Variants in CAMKMT observed in about 807,000 individuals in gnomAD.
CAMKMT encodes the protein calmodulin-lysine N-methyltransferase.
CAMKMT carries 53 observed loss-of-function variants against 48.0 expected under a neutral mutation model. That is an observed-to-expected ratio of 1.10 (90% CI 0.89 to 1.39). CAMKMT has a LOEUF of 1.39. Ranked by LOEUF, CAMKMT falls within the 40% of genes most tolerant of loss-of-function variation. The probability of loss-of-function intolerance (pLI) is 0.00; values close to 1 mark genes in which losing one functional copy is unlikely to be tolerated. For missense variants in CAMKMT, 428 were observed against 402.7 expected (o/e 1.06, Z -0.54); for synonymous variants, 165 against 152.3 (o/e 1.08, Z -0.61).
chr2:44,673,524 G>GGAAGGAGGGAAGGAAGGAAGGAA (rs1558786891), intron 3 of CAMKMT, among the ~76,000 whole-genome samples: 1 of 58,284 alleles, frequency 1.7e-5, no homozygotes, highest in African/African-American at 6.5e-5. Context: ...GAAGGAAGGA[G>GGAAGGAGGGAAGGAAGGAAGGAA]GGAAGGAAGA....
chr2:44,617,975 T>C lies in CAMKMT; in HGVS notation c.377-86308T>C, dbSNP rs1671982708. ...CAAATATAGCAGAAGCATACAACTA[T>C]CAAACTTTATTCAGACATCAAGAAA... On this transcript the variant is annotated intron_variant, in intron 3 of 10. Transcript: ENST00000378494. Among the ~76,000 whole-genome samples, 2 of 152,212 alleles carry C rather than the reference T, an allele frequency of 1.3e-5. 1 individual carries two copies. Among genetic ancestry groups the C allele is most frequent in the Admixed American group, 1.3e-4 (2 of 15,286 alleles).
At chr2:44,705,110 A>G (rs766986140) in intron 4 of CAMKMT, among the ~76,000 whole-genome samples, 10 of 152,190 alleles carry the variant, frequency 6.6e-5, no homozygotes, top group Non-Finnish European at 1.2e-4. Context: ...TTTTAACCGT[A>G]TGTACTTACA....
rs1218817837 is a variant in CAMKMT at position 44,589,883 on chromosome 2, T to TA, written c.377-114388dup. Reference sequence around the variant, plus strand: ...GCGAGAAACACCCAAGAATGATCAATAAAAAAAAAAAAGAAAAAAAAAAAA... The same window carrying TA: ...GCGAGAAACACCCAAGAATGATCAATAAAAAAAAAAAAAGAAAAAAAAAAAA... On this transcript the variant is annotated intron_variant, in intron 3 of 10. Coordinates refer to ENST00000378494, the MANE Select transcript of CAMKMT (RefSeq NM_024766.5). 1.9e-3 allele frequency among the ~76,000 whole-genome samples: 43 copies of TA among 23,234 alleles called. 4 individuals carry two copies. The highest frequency in any genetic ancestry group is 3.1e-3 in the Non-Finnish European group (35 of 11,304). 15.2% of individuals were successfully genotyped at this position (23,234 alleles called of 152,430 possible).
intron 3 of CAMKMT, among the ~76,000 whole-genome samples, chr2:44,395,872 T>G (rs1394100352): frequency 2.0e-5 from 3 of 152,172 alleles, no homozygotes; most frequent in African/African-American, 7.2e-5. Context: ...TATTTTGTTA[T>G]GTGAAAACAA....
In CAMKMT at chr2:44,633,573, A is replaced by G. The variant is rs577492704; in HGVS notation, c.377-70710A>G. Among the ~76,000 whole-genome samples the G allele has an allele frequency of 4.6e-5, 7 of 152,136 alleles. No homozygotes were observed. In the East Asian group the frequency reaches 1.4e-3, roughly 29 times the overall value. ...ATCCGACAAAATTTTAATTTCAGGT[A>G]TTATATATTTTTTACTCTAAGAGTT... On this transcript the variant is annotated intron_variant, in intron 3 of 10. Transcript: ENST00000378494.
At chr2:44,535,488 A>C (rs1243020627) in intron 3 of CAMKMT, among the ~76,000 whole-genome samples, 1 of 152,192 alleles carries the variant, frequency 6.6e-6, no homozygotes, top group East Asian at 1.9e-4. Context: ...AAAGGTTCTC[A>C]ACAAAATTCT....
At chr2:44,615,691 AT>A (rs1236876825) in intron 3 of CAMKMT, among the ~76,000 whole-genome samples, 1 of 152,136 alleles carries the variant, frequency 6.6e-6, no homozygotes, top group Non-Finnish European at 1.5e-5. Context: ...TCTTGTCAAT[AT>A]TTTTAAAGTA....
At chr2:44,614,071 G>A (rs992603279) in intron 3 of CAMKMT, among the ~76,000 whole-genome samples, 2 of 152,088 alleles carry the variant, frequency 1.3e-5, no homozygotes, top group African/African-American at 4.8e-5. Context: ...AACCTATAAT[G>A]CTTTTCTTTC....
At position 44,657,872 on chromosome 2, in the gene CAMKMT, T is replaced by C. The variant is rs1200471410; in HGVS notation, c.377-46411T>C. Among the ~76,000 whole-genome samples, 1 of 152,206 alleles carries C rather than the reference T, an allele frequency of 6.6e-6. No individual in the cohort carries two copies. The highest frequency in any genetic ancestry group is 6.5e-5 in the Admixed American group (1 of 15,288). On this transcript the variant is annotated intron_variant, in intron 3 of 10. Coordinates refer to ENST00000378494, the MANE Select transcript of CAMKMT (RefSeq NM_024766.5). This position sits in a 1 kb window ranked among gnomAD's most constrained non-coding sequence, Gnocchi z 4.3. ...AATAGTATGGCATACTTAACGTTTA[T>C]CTAACATCTTAGGTGTTCATTTCAA...
At chr2:44,380,774 A>G (rs563993497) in intron 2 of CAMKMT, among the ~76,000 whole-genome samples, 3 of 152,284 alleles carry the variant, frequency 2.0e-5, no homozygotes, top group Non-Finnish European at 2.9e-5. Flanking sequence ...TTTCATTTTT[A>G]TAAGTATCTT....
At chr2:44,502,898 T>C (rs1670074780) in intron 3 of CAMKMT, among the ~76,000 whole-genome samples, 1 of 152,222 alleles carries the variant, frequency 6.6e-6, no homozygotes, top group African/African-American at 2.4e-5. Context: ...AATTTGGGGG[T>C]ATAGAAAACA....
chr2:44,643,855 T>A (rs1673582928), intron 3 of CAMKMT, among the ~76,000 whole-genome samples: 1 of 152,186 alleles, frequency 6.6e-6, no homozygotes, highest in African/African-American at 2.4e-5. Context: ...ATTTTTATAG[T>A]GTGTCGATAT....
intron 3 of CAMKMT, among the ~76,000 whole-genome samples, chr2:44,503,189 T>C (rs1009930726): frequency 8.5e-5 from 13 of 152,174 alleles, no homozygotes; most frequent in Non-Finnish European, 1.5e-4. Flanking sequence ...AATTTTTTTT[T>C]CCAGAAATTT....
At chr2:44,385,914 A>C (rs1396704945) in intron 2 of CAMKMT, among the ~76,000 whole-genome samples, 1 of 152,058 alleles carries the variant, frequency 6.6e-6, no homozygotes, top group Non-Finnish European at 1.5e-5. Flanking sequence ...GTGTTCATCA[A>C]GGATATCAGT....
At chr2:44,416,568 A>ATTTTTTTTTTTTTTTTTT (rs34882377) in intron 3 of CAMKMT, among the ~76,000 whole-genome samples, 1 of 80,260 alleles carries the variant, frequency 1.2e-5, no homozygotes, top group Non-Finnish European at 2.4e-5. Context: ...ACTTAGCATG[A>ATTTTTTTTTTTTTTTTTT]TTTTTTTTTT....
intron 3 of CAMKMT, among the ~76,000 whole-genome samples, chr2:44,523,086 A>G (rs188406629): frequency 2.0e-5 from 3 of 152,216 alleles, no homozygotes; most frequent in African/African-American, 7.2e-5. Flanking sequence ...TTTTGTTACA[A>G]CAGCACCAAA....
intron 3 of CAMKMT, among the ~76,000 whole-genome samples, chr2:44,470,046 A>G (rs887632503): frequency 2.6e-5 from 4 of 152,120 alleles, no homozygotes; most frequent in African/African-American, 9.7e-5. Context: ...ATCCATAGAT[A>G]TAATTTTTCC....
chr2:44,376,859 C>T (rs1572675034), intron 2 of CAMKMT, among the ~76,000 whole-genome samples: 2 of 152,218 alleles, frequency 1.3e-5, no homozygotes, highest in Middle Eastern at 3.4e-3. Context: ...AGTTAGGTTA[C>T]AAAACTCCCA....
chr2:44,733,959 T>A (rs763193383), intron 7 of CAMKMT, among the ~76,000 whole-genome samples: 2 of 152,172 alleles, frequency 1.3e-5, no homozygotes, highest in Non-Finnish European at 2.9e-5. Context: ...TTCTCCCTTT[T>A]TTCCTGATAA....
Sources: allele counts gnomAD v4.1 joint callset (sites outside exome capture counted in the v4.1 genomes callset), GRCh38; gene constraint gnomAD v4.1.1; non-coding constraint Gnocchi (gnomAD v3.1); transcripts MANE v1.5; gene names NCBI Gene and HGNC (gene_info 2026-07-23, HGNC 2026-07-21).